The following PDGFC variants were observed in gnomAD, a reference collection of about 807,000 sequenced individuals.
The protein encoded by PDGFC is platelet-derived growth factor C.
A neutral mutation model predicts 35.5 loss-of-function variants in PDGFC; 12 were observed. That is an observed-to-expected ratio of 0.34 (90% CI 0.22 to 0.55). PDGFC has a LOEUF of 0.55. PDGFC is among the 20% of genes least tolerant of loss of function. The pLI, the probability that PDGFC is intolerant of heterozygous loss-of-function variation, is 0.91. For synonymous variants in PDGFC, 159 were observed against 148.8 expected (o/e 1.07, Z -0.50); for missense variants, 322 against 412.4 (o/e 0.78, Z 1.90).
intron 1 of PDGFC, among the ~76,000 whole-genome samples, chr4:156,884,363 C>T (rs1236379205): frequency 6.6e-6 from 1 of 152,170 alleles, no homozygotes; most frequent in Non-Finnish European, 1.5e-5. Flanking sequence ...GCAAGGTCAT[C>T]ATTCAGAAAT....
intron 1 of PDGFC, among the ~76,000 whole-genome samples, chr4:156,899,924 C>A (rs966634741): frequency 6.6e-6 from 1 of 152,180 alleles, no homozygotes; most frequent in Admixed American, 6.5e-5. Flanking sequence ...TTCTGCAGAA[C>A]CAGGCATAGC....
chr4:156,888,542 C>G (rs1382925480), intron 1 of PDGFC, among the ~76,000 whole-genome samples: 1 of 152,110 alleles, frequency 6.6e-6, no homozygotes, highest in Non-Finnish European at 1.5e-5. Context: ...ACTCTATTAT[C>G]AAGAAATCTT....
At chr4:156,964,391 TATATATATATAGTG>T (rs1732413957) in intron 1 of PDGFC, among the ~76,000 whole-genome samples, 1 of 148,024 alleles carries the variant, frequency 6.8e-6, no homozygotes, top group Non-Finnish European at 1.5e-5. Context: ...GTTATCACTA[TATATATATATAGTG>T]ATATATATAT....
At chr4:156,902,872 C>A (rs1009737161) in intron 1 of PDGFC, among the ~76,000 whole-genome samples, 12 of 152,088 alleles carry the variant, frequency 7.9e-5, no homozygotes, top group African/African-American at 2.9e-4. Flanking sequence ...TTTTTACGTC[C>A]CTGTAAAATT....
At chr4:156,934,912 T>C (rs1340362537) in intron 1 of PDGFC, among the ~76,000 whole-genome samples, 1 of 152,168 alleles carries the variant, frequency 6.6e-6, no homozygotes, top group South Asian at 2.1e-4. Flanking sequence ...GGACATGTCA[T>C]CTCCTATGAT....
intron 3 of PDGFC, among the ~76,000 whole-genome samples, chr4:156,801,693 T>G (rs1020291930): frequency 6.6e-6 from 1 of 152,186 alleles, no homozygotes; most frequent in Admixed American, 6.5e-5. Flanking sequence ...CACATCAATA[T>G]ATGAATTCCA....
intron 1 of PDGFC, among the ~76,000 whole-genome samples, chr4:156,957,517 C>T (rs549957888): frequency 7.2e-5 from 11 of 151,960 alleles, no homozygotes; most frequent in Non-Finnish European, 1.3e-4. Flanking sequence ...CACTCCCCAC[C>T]TTGTGATAGC....
intron 1 of PDGFC, among the ~76,000 whole-genome samples, chr4:156,960,245 A>G (rs6830013): frequency 0.018 from 2,475 of 141,342 alleles, 57 homozygotes; most frequent in African/African-American, 0.067. Flanking sequence ...TGATATATAT[A>G]TAACTGTTAT....
chr4:156,818,355 A>G (rs1368688976), intron 2 of PDGFC, among the ~76,000 whole-genome samples: 2 of 151,686 alleles, frequency 1.3e-5, no homozygotes. Flanking sequence ...CCTGGGTCAC[A>G]TTTTGTGTTA....
intron 2 of PDGFC, among the ~76,000 whole-genome samples, chr4:156,835,379 G>T (rs1222072948): frequency 6.6e-6 from 1 of 152,110 alleles, no homozygotes; most frequent in East Asian, 1.9e-4. Context: ...TAATCCGAAG[G>T]ATCATACATA....
chr4:156,873,855 G>T (rs1383155587), intron 1 of PDGFC: 1 of 152,178 alleles, frequency 6.6e-6, no homozygotes, highest in Non-Finnish European at 1.5e-5. Flanking sequence ...AAAAATATCA[G>T]CTTTGAGTAA....
chr4:156,932,870 C>T lies in PDGFC; in HGVS notation c.118+37916G>A, dbSNP rs143247326. 1.7e-3 allele frequency among the ~76,000 whole-genome samples: 258 copies of T among 151,662 alleles called. 5 individuals carry two copies. The East Asian group carries it at 0.045, about 26-fold the overall frequency. ...ATGTAACTAACCTGCACGTTGTGCA[C>T]ATGTACCCTAAAACTTAAGGTATAA... is the stretch of plus-strand genomic sequence containing the variant. On this transcript the variant is annotated intron_variant, in intron 1 of 5. Coordinates refer to ENST00000502773, the MANE Select transcript of PDGFC (RefSeq NM_016205.3).
At chr4:156,813,415 T>C (rs1731994919) in intron 2 of PDGFC, among the ~76,000 whole-genome samples, 1 of 152,122 alleles carries the variant, frequency 6.6e-6, no homozygotes, top group South Asian at 2.1e-4. Flanking sequence ...AATTAGAGTA[T>C]GTAAGAAATA....
intron 3 of PDGFC, among the ~76,000 whole-genome samples, chr4:156,789,588 T>A (rs1731232856): frequency 6.6e-6 from 1 of 152,150 alleles, no homozygotes; most frequent in East Asian, 1.9e-4. Context: ...GAAAATCAGG[T>A]CACTTGAGAA....
intron 1 of PDGFC, among the ~76,000 whole-genome samples, chr4:156,954,992 G>A (rs1449307606): frequency 6.6e-6 from 1 of 151,952 alleles, no homozygotes; most frequent in Admixed American, 6.6e-5. Flanking sequence ...GAAAATTATG[G>A]GAGATTAAAA....
rs1294277851 is a variant in PDGFC, at chr4:156,971,050, A to G, written c.-147T>C. 1 of 603,126 alleles carries G rather than the reference A, an allele frequency of 1.7e-6. No individual in the cohort carries two copies. The highest frequency in any genetic ancestry group is 3.0e-6 in the Non-Finnish European group (1 of 337,774). 37.4% of individuals were successfully genotyped at this position (603,126 alleles called of 1,614,324 possible). A position where few individuals can be genotyped will look rare whatever the true frequency, so the allele number is the denominator to read the frequency against. ...AGCAGAGAATCGCAGGGTAGTTTCC[A>G]CATAATCCCATCCAAAACTTTTTCC... is the stretch of plus-strand genomic sequence containing the variant. On this transcript the variant is annotated 5_prime_UTR_variant, in exon 1 of 6. Transcript: ENST00000502773.
At chr4:156,882,901 G>C (rs1012501946) in intron 1 of PDGFC, among the ~76,000 whole-genome samples, 2 of 152,028 alleles carry the variant, frequency 1.3e-5, no homozygotes, top group African/African-American at 2.4e-5. Context: ...TGGCTAACAA[G>C]GTGAAACCCC....
intron 1 of PDGFC, among the ~76,000 whole-genome samples, chr4:156,965,045 C>T (rs1732433382): frequency 6.6e-6 from 1 of 152,156 alleles, no homozygotes. Context: ...TCTAGGAAAC[C>T]TATCCATTTG....
intron 2 of PDGFC, among the ~76,000 whole-genome samples, chr4:156,812,449 T>C (rs182293387): frequency 9.9e-5 from 15 of 152,248 alleles, no homozygotes; most frequent in Admixed American, 3.9e-4. Context: ...CTTCTATGAA[T>C]TGCATTTCAG....
Sources: gnomAD v4.1 joint callset for allele counts (sites outside exome capture counted in the v4.1 genomes callset) on GRCh38, gnomAD v4.1.1 for gene constraint, MANE v1.5 for transcripts, NCBI Gene and HGNC (gene_info 2026-07-23, HGNC 2026-07-21) for gene names.